Variants in PCM1 observed in about 807,000 individuals in gnomAD.
PCM1 encodes the protein pericentriolar material 1.
PCM1 carries 157 observed loss-of-function variants against 241.9 expected under a neutral mutation model. The observed-to-expected ratio is 0.65, with a 90% CI of 0.57 to 0.74. The LOEUF is 0.74. PCM1 is among the 30% of genes least tolerant of loss of function. The pLI is 0.00. For synonymous variants in PCM1, 1,085 were observed against 784.9 expected, an observed-to-expected ratio of 1.38 and a Z score of -6.39; for missense variants, 3,478 against 2,360.1, an observed-to-expected ratio of 1.47 and a Z score of -9.81.
chr8:17,959,742 A>G (rs1321482405), intron 13 of PCM1, among the ~76,000 whole-genome samples: 2 of 152,160 alleles, frequency 1.3e-5, no homozygotes, highest in Non-Finnish European at 2.9e-5. Flanking sequence ...TTTTATTGAT[A>G]TACCGTAGCT....
At chr8:17,983,662 C>G (rs1042949500) in intron 24 of PCM1, among the ~76,000 whole-genome samples, 22 of 152,076 alleles carry the variant, frequency 1.4e-4, no homozygotes, top group African/African-American at 5.1e-4. Flanking sequence ...CAGTCAGCAT[C>G]TTAGAAAAGT....
At chr8:17,984,890 A>C (rs1304842621) in intron 24 of PCM1, among the ~76,000 whole-genome samples, 1 of 151,948 alleles carries the variant, frequency 6.6e-6, no homozygotes, top group African/African-American at 2.4e-5. Context: ...TTGACCTATT[A>C]TGTTAGGTTA....
intron 8 of PCM1, among the ~76,000 whole-genome samples, chr8:17,951,221 A>G (rs2299596): frequency 0.25 from 38,602 of 152,110 alleles, 5,750 homozygotes; most frequent in African/African-American, 0.42. Flanking sequence ...TGTAAGTGAT[A>G]TAAATGCAGA....
At chr8:17,951,046 C>G (rs2065827668) in intron 8 of PCM1, among the ~76,000 whole-genome samples, 1 of 152,158 alleles carries the variant, frequency 6.6e-6, no homozygotes, top group South Asian at 2.1e-4. Context: ...CTCTAAAAGA[C>G]TTAATGGTCA....
chr8:17,972,185 A>G (rs547221956), intron 22 of PCM1, 144 bp from the exon 23 acceptor site: 20 of 477,998 alleles, frequency 4.2e-5, no homozygotes, highest in Non-Finnish European at 6.7e-5. Context: ...TGCATATTTA[A>G]TGTGTATTTT....
Position 17,966,392 on chromosome 8 carries a change from C to G in PCM1, c.3140C>G (p.Ala1047Gly). ...GPYSVMPSNV[A>G]SPQVHFIMHQ... The stretch of plus-strand genomic sequence containing the variant: ...TACAGTGTTATGCCCAGCAATGTTG[C>G]ATCTCCTCAAGTACACTTCATAATG... Residue 1047 changes from alanine (A) to glycine (G), a missense_variant, in exon 20 of 39, where the codon GCA (alanine) becomes GGA (glycine). Coordinates refer to ENST00000325083, the MANE Select transcript of PCM1 (RefSeq NM_006197.4). 1 of 1,613,418 alleles carries G rather than the reference C, an allele frequency of 6.2e-7. No individual in the cohort carries two copies. Among genetic ancestry groups the G allele is most frequent in the Non-Finnish European group, 8.5e-7 (1 of 1,179,372 alleles).
At chr8:18,013,578 A>T (rs931785171) in intron 34 of PCM1, among the ~76,000 whole-genome samples, 7 of 152,166 alleles carry the variant, frequency 4.6e-5, no homozygotes, top group African/African-American at 1.7e-4. Flanking sequence ...TGTTACTTAC[A>T]GTTATGAGGT....
intron 31 of PCM1, 78 bp from the exon 32 acceptor site, chr8:18,010,531 G>T: frequency 9.7e-7 from 1 of 1,032,092 alleles, no homozygotes. Context: ...CAGTACTTTG[G>T]GAGGCTGAGA....
intron 7 of PCM1, among the ~76,000 whole-genome samples, chr8:17,949,861 G>C (rs1046547890): frequency 6.6e-6 from 1 of 152,134 alleles, no homozygotes; most frequent in African/African-American, 2.4e-5. Context: ...TTTGTTAGTA[G>C]AACAGTGACT....
chr8:17,998,599 G>C (rs2087897275), intron 29 of PCM1, among the ~76,000 whole-genome samples: 1 of 152,164 alleles, frequency 6.6e-6, no homozygotes, highest in South Asian at 2.1e-4. Flanking sequence ...CTGTGACTGT[G>C]CTGGGTCATA....
chr8:17,940,075 A>G (rs373733054), intron 6 of PCM1: 293 of 1,580,636 alleles, frequency 1.9e-4, no homozygotes, highest in Non-Finnish European at 2.3e-4. Context: ...TGTTCGGACT[A>G]TAGATTCAGC....
At chr8:17,969,498 T>C in intron 21 of PCM1, 79 bp from the exon 22 acceptor site, 1 of 1,099,742 alleles carries the variant, frequency 9.1e-7, no homozygotes, top group Non-Finnish European at 1.3e-6. Context: ...ACATGTTTAA[T>C]TAAAACTGTC....
chr8:17,947,466 C>G (rs1454772849), intron 7 of PCM1, 103 bp downstream of exon 7: 4 of 874,502 alleles, frequency 4.6e-6, no homozygotes, highest in Middle Eastern at 2.4e-4. Context: ...TGATTGTTGT[C>G]TAGTTTAGAA....
intron 7 of PCM1, among the ~76,000 whole-genome samples, chr8:17,949,001 C>G (rs1389627356): frequency 6.6e-6 from 1 of 152,124 alleles, no homozygotes; most frequent in African/African-American, 2.4e-5. Context: ...AGAATTTTAG[C>G]AGAATTACAT....
chr8:18,021,797 C>A (rs2093775405), intron 36 of PCM1, among the ~76,000 whole-genome samples: 1 of 152,196 alleles, frequency 6.6e-6, no homozygotes, highest in African/African-American at 2.4e-5. Context: ...TACAGAAAAA[C>A]ACAAATTTGA....
In PCM1 at chr8:18,028,025, A is replaced by ATAACT. The variant is rs1564495622; in HGVS notation, c.*365_*369dup. The stretch of plus-strand genomic sequence containing the variant: ...TCTATACAGCAAGTCAATGTTTTAT[A>ATAACT]TAACTTTAGGCTGCTCAGAGAAGAG... On this transcript the variant is annotated 3_prime_UTR_variant, in exon 39 of 39. Coordinates refer to ENST00000325083, the MANE Select transcript of PCM1 (RefSeq NM_006197.4). 2 of 233,446 alleles carry ATAACT rather than the reference A, an allele frequency of 8.6e-6. No homozygotes were observed. Among genetic ancestry groups the ATAACT allele is most frequent in the African/African-American group, 4.4e-5 (2 of 45,210 alleles). The allele number at this position is 233,446 out of a possible 1,614,324, so 14.5% of individuals were successfully genotyped here.
intron 29 of PCM1, among the ~76,000 whole-genome samples, chr8:18,001,793 A>C (rs1226996149): frequency 6.6e-6 from 1 of 151,870 alleles, no homozygotes; most frequent in Non-Finnish European, 1.5e-5. Flanking sequence ...TTTTTTTGGA[A>C]TGTTTTGAGA....
In PCM1 at chr8:17,962,153, T is replaced by G. The variant is rs1180487148; in HGVS notation, c.2442T>G (p.Asp814Glu). The change falls in exon 16 of 39, where the codon GAT becomes GAG. Residue 814 changes from aspartate to glutamate, a missense_variant. Asp to Glu is a conservative substitution (Grantham distance 45). Transcript: ENST00000325083. ...STSKSVFEPE[D>E]SSIVDNELWS... ...GCAAATCTGTTTTTGAGCCTGAAGA[T>G]TCTTCAATAGTAGATAATGAGGTAT... 1.2e-6 allele frequency: 2 copies of G among 1,607,204 alleles called. No homozygotes were observed. The highest frequency in any genetic ancestry group is 2.7e-5 in the African/African-American group (2 of 74,902).
chr8:18,018,068 A>G (rs1318147117), intron 36 of PCM1, among the ~76,000 whole-genome samples: 1 of 152,214 alleles, frequency 6.6e-6, no homozygotes, highest in Non-Finnish European at 1.5e-5. Context: ...CCTTGGAGGA[A>G]AGAAAATATT....
Sources: gnomAD v4.1 joint callset for allele counts (sites outside exome capture counted in the v4.1 genomes callset) on GRCh38, gnomAD v4.1.1 for gene constraint, MANE v1.5 for transcripts, NCBI Gene and HGNC (gene_info 2026-07-23, HGNC 2026-07-21) for gene names.